The following TOM1L2 variants were observed in gnomAD, a reference collection of about 807,000 sequenced individuals.
TOM1L2 encodes the protein TOM1-like protein 2.
In TOM1L2, 31 loss-of-function variants were observed where a neutral mutation model predicts 67.9. The observed-to-expected ratio is 0.46, with a 90% confidence interval of 0.34 to 0.62. The LOEUF (loss-of-function observed/expected upper bound fraction) is 0.62, where lower values mean the gene tolerates loss of function less well. Ranked by LOEUF, TOM1L2 falls within the 20% of genes least tolerant of loss-of-function variation. TOM1L2 has a pLI of 0.01. For missense variants in TOM1L2, 606 were observed against 663.5 expected, an observed-to-expected ratio of 0.91 and a Z score of 0.95; for synonymous variants, 256 against 254.0, an observed-to-expected ratio of 1.01 and a Z score of -0.07.
intron 1 of TOM1L2, among the ~76,000 whole-genome samples, chr17:17,951,266 G>C (rs186486908): frequency 7.3e-4 from 111 of 152,304 alleles, no homozygotes; most frequent in African/African-American, 2.5e-3. Context: ...GCAGGGACCA[G>C]ATCTGAGATC....
intron 1 of TOM1L2, among the ~76,000 whole-genome samples, chr17:17,956,811 C>T (rs561843980): frequency 2.0e-5 from 3 of 152,214 alleles, no homozygotes; most frequent in South Asian, 2.1e-4. Context: ...CGCGCTGGCC[C>T]GCAAGCGCCA....
intron 1 of TOM1L2, among the ~76,000 whole-genome samples, chr17:17,969,148 C>T (rs1330408747): frequency 6.6e-6 from 1 of 151,758 alleles, no homozygotes; most frequent in African/African-American, 2.4e-5. Context: ...CCTCTGCCTC[C>T]CAGGTTCAAG....
intron 1 of TOM1L2, among the ~76,000 whole-genome samples, chr17:17,912,779 G>C (rs888343083): frequency 6.6e-6 from 1 of 152,146 alleles, no homozygotes; most frequent in African/African-American, 2.4e-5. Flanking sequence ...CTTCCCAGAC[G>C]GGGTGGCGGC....
intron 11 of TOM1L2, 53 bp downstream of exon 11, chr17:17,862,678 T>C: frequency 6.8e-7 from 1 of 1,467,632 alleles, no homozygotes; most frequent in East Asian, 2.3e-5. Flanking sequence ...TGACCAGGCA[T>C]GGGTCAATCC....
chr17:17,879,476 C>A (rs565785104), intron 7 of TOM1L2, 151 bp downstream of exon 7: 2 of 602,498 alleles, frequency 3.3e-6, no homozygotes, highest in Non-Finnish European at 6.0e-6. Flanking sequence ...CCGTAGGCAA[C>A]GTGAGGCTGC....
At chr17:17,972,138 C>G in intron 1 of TOM1L2, 124 bp downstream of exon 1, 2 of 1,235,060 alleles carry the variant, frequency 1.6e-6, no homozygotes, top group Admixed American at 5.1e-5. Context: ...GGAGTGGCAC[C>G]CGCGGCTGGC....
chr17:17,952,005 G>T (rs1236963198), intron 1 of TOM1L2, among the ~76,000 whole-genome samples: 1 of 152,128 alleles, frequency 6.6e-6, no homozygotes, highest in Non-Finnish European at 1.5e-5. Flanking sequence ...TGAGCATTTT[G>T]TCCCTAGGAA....
In TOM1L2 at chr17:17,918,558, A is replaced by C. The variant is rs116778100; in HGVS notation, c.53-11027T>G. 8.0e-3 allele frequency among the ~76,000 whole-genome samples: 1,225 copies of C among 152,280 alleles called. 8 individuals carry two copies. The highest frequency in any genetic ancestry group is 0.028 in the African/African-American group (1,153 of 41,554). Reference sequence around the variant, plus strand: ...CAAGAGGGTGAAAACAGGAACCATAACAGGATCTGCAGGTCTTTGCAAGCC... The same window carrying C: ...CAAGAGGGTGAAAACAGGAACCATACCAGGATCTGCAGGTCTTTGCAAGCC... On this transcript the variant is annotated intron_variant, in intron 1 of 14. Transcript: ENST00000379504.
In TOM1L2 at chr17:17,891,784, C is replaced by CGTGTGTGTGTGTGT. The variant is rs374192888; in HGVS notation, c.366+1863_366+1876dup. ...ATGAGGAAGGTAAAGTGCATGCACA[C>CGTGTGTGTGTGTGT]GTGTGTGTGTGTGTGTGTGTGTGTG... On this transcript the variant is annotated intron_variant, in intron 4 of 14. Coordinates refer to ENST00000379504, the MANE Select transcript of TOM1L2 (RefSeq NM_001082968.2). Among the ~76,000 whole-genome samples, 126 of 143,206 alleles carry CGTGTGTGTGTGTGT rather than the reference C, an allele frequency of 8.8e-4. 2 individuals are homozygous for CGTGTGTGTGTGTGT. In the East Asian group the frequency reaches 0.012, roughly 14 times the overall value. 93.9% of individuals were successfully genotyped at this position (143,206 alleles called of 152,430 possible).
At chr17:17,868,814 G>A (rs971271890) in intron 8 of TOM1L2, among the ~76,000 whole-genome samples, 7 of 152,190 alleles carry the variant, frequency 4.6e-5, no homozygotes. Flanking sequence ...GCTTCCCTAA[G>A]CAGCAGCATT....
chr17:17,894,967 A>ATGCATGCATGCATG (rs2038485228), intron 3 of TOM1L2, among the ~76,000 whole-genome samples: 2 of 136,380 alleles, frequency 1.5e-5, no homozygotes, highest in Non-Finnish European at 3.2e-5. Flanking sequence ...ATACATACAT[A>ATGCATGCATGCATG]CATACATACA....
chr17:17,916,824 A>G (rs556519848), intron 1 of TOM1L2, among the ~76,000 whole-genome samples: 2 of 151,986 alleles, frequency 1.3e-5, no homozygotes, highest in African/African-American at 4.8e-5. Context: ...GGAGTTTGAC[A>G]CCAGTCTGGT....
At chr17:17,878,987 C>T (rs1245507392) in intron 7 of TOM1L2, among the ~76,000 whole-genome samples, 9 of 152,226 alleles carry the variant, frequency 5.9e-5, no homozygotes, top group Non-Finnish European at 1.3e-4. Flanking sequence ...CCGCCCACTC[C>T]TGGACCCCAT....
At chr17:17,958,587 CT>C (rs2041561840) in intron 1 of TOM1L2, among the ~76,000 whole-genome samples, 1 of 152,170 alleles carries the variant, frequency 6.6e-6, no homozygotes, top group Non-Finnish European at 1.5e-5. Context: ...ATCTAAATGA[CT>C]GGCAAGAGGC....
chr17:17,882,056 A>C (rs776182476), intron 6 of TOM1L2, among the ~76,000 whole-genome samples: 3 of 152,208 alleles, frequency 2.0e-5, no homozygotes, highest in Non-Finnish European at 4.4e-5. Context: ...CATCTAAAAA[A>C]TCCAGTGTGG....
chr17:17,911,121 G>C (rs2039329767), intron 1 of TOM1L2, among the ~76,000 whole-genome samples: 1 of 152,212 alleles, frequency 6.6e-6, no homozygotes, highest in African/African-American at 2.4e-5. Flanking sequence ...TGGGTGGGCA[G>C]AAAAACCATG....
chr17:17,884,912 C>T (rs768296193), intron 4 of TOM1L2, 144 bp from the exon 5 acceptor site: 7 of 1,103,420 alleles, frequency 6.3e-6, no homozygotes, highest in Non-Finnish European at 9.0e-6. Flanking sequence ...TATTCTGTTC[C>T]TCTCCTTCCG....
intron 9 of TOM1L2, 110 bp downstream of exon 9, chr17:17,866,766 T>C: frequency 8.7e-7 from 1 of 1,147,576 alleles, no homozygotes; most frequent in Non-Finnish European, 1.3e-6. Context: ...CTCTTCAATT[T>C]CCCAAATATT....
rs2041497775 is a variant in TOM1L2 at position 17,957,243 on chromosome 17, A to G, written c.52+15019T>C. ...CAATCCTCCTGCCTTGGCCTCCCAA[A>G]GTGCTGGGATTACAGGCATGAGCCA... is the stretch of plus-strand genomic sequence containing the variant. On this transcript the variant is annotated intron_variant, in intron 1 of 14. Coordinates refer to ENST00000379504, the MANE Select transcript of TOM1L2 (RefSeq NM_001082968.2). 2.0e-5 allele frequency among the ~76,000 whole-genome samples: 3 copies of G among 152,226 alleles called. No individual in the cohort carries two copies. In the South Asian group the frequency reaches 6.2e-4, roughly 31 times the overall value.
Sources: allele counts gnomAD v4.1 joint callset (sites outside exome capture counted in the v4.1 genomes callset), GRCh38; gene constraint gnomAD v4.1.1; transcripts MANE v1.5; gene names NCBI Gene and HGNC (gene_info 2026-07-23, HGNC 2026-07-21).